TENM2: variants seen among roughly 807,000 people sequenced by gnomAD.
TENM2 encodes the protein teneurin transmembrane protein 2.
TENM2 carries 52 observed loss-of-function variants against 245.2 expected under a neutral mutation model. That is an observed-to-expected ratio of 0.21 (90% CI 0.17 to 0.27). TENM2 has a LOEUF of 0.27. Ranked by LOEUF, TENM2 falls within the 10% of genes least tolerant of loss-of-function variation. The pLI is 1.00. For missense variants in TENM2, 3,046 were observed against 3,666.8 expected, an observed-to-expected ratio of 0.83 and a Z score of 4.37; for synonymous variants, 1,363 against 1,438.9, an observed-to-expected ratio of 0.95 and a Z score of 1.19.
chr5:167,065,104 G>A, the TENM2 span, among the ~76,000 whole-genome samples: 1 of 152,042 alleles, frequency 6.6e-6, no homozygotes, highest in Non-Finnish European at 1.5e-5. Context: ...TGGAAGACTG[G>A]TATTATTTCT....
At chr5:168,134,154 CA>C (rs940576909) in intron 12 of TENM2, among the ~76,000 whole-genome samples, 2 of 146,778 alleles carry the variant, frequency 1.4e-5, no homozygotes, top group Admixed American at 6.8e-5. Context: ...GACTCTGTCT[CA>C]AAAAAAAACA....
chr5:168,012,774 G>GAAAAAAAAAA (rs3056563), intron 5 of TENM2, among the ~76,000 whole-genome samples: 1 of 74,276 alleles, frequency 1.3e-5, no homozygotes, highest in Admixed American at 1.5e-4. Context: ...AAGAACAACT[G>GAAAAAAAAAA]AAAAAAAAAA....
At chr5:167,160,016 G>A in the TENM2 span, among the ~76,000 whole-genome samples, 1 of 152,230 alleles carries the variant, frequency 6.6e-6, no homozygotes, top group African/African-American at 2.4e-5. Flanking sequence ...GAAGTCTCTA[G>A]ATAGTTGGGC....
chr5:167,907,051 G>A (rs1436582432), intron 3 of TENM2, among the ~76,000 whole-genome samples: 1 of 151,996 alleles, frequency 6.6e-6, no homozygotes, highest in Non-Finnish European at 1.5e-5. Flanking sequence ...TGACCAACAT[G>A]AAGAAACCCC....
intron 2 of TENM2, among the ~76,000 whole-genome samples, chr5:167,378,316 C>A (rs1436121917): frequency 6.6e-6 from 1 of 151,744 alleles, no homozygotes; most frequent in Admixed American, 6.6e-5. Flanking sequence ...ACAAAAATGA[C>A]CCATTGGATA....
At chr5:167,792,455 T>A (rs1333194405) in intron 2 of TENM2, among the ~76,000 whole-genome samples, 1 of 151,898 alleles carries the variant, frequency 6.6e-6, no homozygotes, top group Non-Finnish European at 1.5e-5. Context: ...CGGAAAGATA[T>A]TTGGAACATA....
At chr5:167,747,857 T>A (rs896160618) in intron 2 of TENM2, among the ~76,000 whole-genome samples, 5 of 152,176 alleles carry the variant, frequency 3.3e-5, no homozygotes, top group Non-Finnish European at 5.9e-5. Context: ...TTTATTACCT[T>A]AAGTAACACA....
the TENM2 span, among the ~76,000 whole-genome samples, chr5:167,041,108 C>G: frequency 1.3e-5 from 2 of 152,292 alleles, no homozygotes; most frequent in Non-Finnish European, 2.9e-5. Flanking sequence ...TGATAAATCA[C>G]GTAAACCTTA....
chr5:167,488,189 C>G (rs1036121013), intron 2 of TENM2, among the ~76,000 whole-genome samples: 1 of 152,130 alleles, frequency 6.6e-6, no homozygotes, highest in Non-Finnish European at 1.5e-5. Context: ...ATAGTGTGTA[C>G]TGCTCTATTG....
At chr5:168,214,300 A>G (rs1763005788) in intron 20 of TENM2, among the ~76,000 whole-genome samples, 1 of 152,178 alleles carries the variant, frequency 6.6e-6, no homozygotes, top group South Asian at 2.1e-4. Flanking sequence ...TACACTTCAC[A>G]CACACACAAA....
chr5:167,579,852 G>A (rs752881553), intron 2 of TENM2, among the ~76,000 whole-genome samples: 5 of 152,232 alleles, frequency 3.3e-5, no homozygotes, highest in Middle Eastern at 3.4e-3. Context: ...CATCACGATC[G>A]CGTGTGCTGT....
At chr5:167,121,957 A>G in the TENM2 span, among the ~76,000 whole-genome samples, 4 of 152,214 alleles carry the variant, frequency 2.6e-5, no homozygotes, top group Non-Finnish European at 5.9e-5. Context: ...ATCTCAAAAA[A>G]GATTGCGAAG....
At position 167,458,241 on chromosome 5, in the gene TENM2, C is replaced by T. The variant is rs890030248; in HGVS notation, c.502+82768C>T. Among the ~76,000 whole-genome samples the T allele has an allele frequency of 6.6e-5, 10 of 152,036 alleles. 1 individual carries two copies. Among genetic ancestry groups the T allele is most frequent in the African/African-American group, 2.2e-4 (9 of 41,416 alleles). On this transcript the variant is annotated intron_variant, in intron 2 of 28. Transcript: ENST00000518659. The stretch of plus-strand genomic sequence containing the variant: ...GTGGCTCACGCCTGTAATCCCAGCA[C>T]TTTGGGAGGCCGAGACAGGTGGATC...
chr5:167,627,031 GA>G (rs1441490049), intron 2 of TENM2, among the ~76,000 whole-genome samples: 1 of 152,194 alleles, frequency 6.6e-6, no homozygotes, highest in Non-Finnish European at 1.5e-5. Flanking sequence ...TGAGGGCTTG[GA>G]AAGGAAATGT....
intron 5 of TENM2, among the ~76,000 whole-genome samples, chr5:167,997,411 G>A (rs999026239): frequency 2.6e-5 from 4 of 152,146 alleles, no homozygotes; most frequent in Non-Finnish European, 4.4e-5. Context: ...ATCTTCTAAC[G>A]CAGTGGATAG....
chr5:167,489,286 G>C (rs1193700148), intron 2 of TENM2, among the ~76,000 whole-genome samples: 2 of 152,156 alleles, frequency 1.3e-5, no homozygotes, highest in African/African-American at 4.8e-5. Flanking sequence ...TGGCTCTACT[G>C]ACCTTTCACT....
intron 1 of TENM2, among the ~76,000 whole-genome samples, chr5:167,354,817 GC>G (rs1375678758): frequency 6.6e-6 from 1 of 152,122 alleles, no homozygotes; most frequent in Non-Finnish European, 1.5e-5. Flanking sequence ...TAAATATTAA[GC>G]CAGAAATGTT....
intron 2 of TENM2, among the ~76,000 whole-genome samples, chr5:167,477,854 AAAG>A (rs1387888540): frequency 1.1e-4 from 16 of 152,200 alleles, no homozygotes; most frequent in African/African-American, 3.6e-4. Flanking sequence ...AATAGGTGGG[AAAG>A]AAGGGAAGAA....
chr5:167,213,568 C>A, the TENM2 span, among the ~76,000 whole-genome samples: 2 of 152,216 alleles, frequency 1.3e-5, no homozygotes, highest in East Asian at 3.9e-4. Flanking sequence ...CAGTCTATAG[C>A]AAATGGTAGT....
Sources: gnomAD v4.1 joint callset for allele counts (sites outside exome capture counted in the v4.1 genomes callset) on GRCh38, gnomAD v4.1.1 for gene constraint, MANE v1.5 for transcripts, NCBI Gene and HGNC (gene_info 2026-07-23, HGNC 2026-07-21) for gene names.